Variants in CIITA observed in about 807,000 individuals in gnomAD.
The protein encoded by CIITA is MHC class II transactivator.
CIITA carries 72 observed loss-of-function variants against 115.1 expected under a neutral mutation model. That is an observed-to-expected ratio of 0.63 (90% confidence interval 0.52 to 0.76). The LOEUF (loss-of-function observed/expected upper bound fraction) is 0.76, where lower values mean the gene tolerates loss of function less well. Ranked by LOEUF, CIITA falls within the 30% of genes least tolerant of loss-of-function variation. The pLI is 0.00. For synonymous variants in CIITA, 763 were observed against 635.6 expected (o/e 1.20, Z -3.02); for missense variants, 1,617 against 1,463.8 (o/e 1.10, Z -1.71).
intron 14 of CIITA, 46 bp downstream of exon 14, chr16:10,915,696 G>C: frequency 5.2e-6 from 8 of 1,525,952 alleles, no homozygotes; most frequent in Non-Finnish European, 7.3e-6. Flanking sequence ...TCTGGGTGCA[G>C]TGCTGTGATC....
rs909112215 is a variant in CIITA at position 10,897,187 on chromosome 16, T to C, written c.295+1423T>C. Among the ~76,000 whole-genome samples, 6 of 152,232 alleles carry C rather than the reference T, an allele frequency of 3.9e-5. No homozygotes were observed. In the South Asian group the frequency reaches 1.0e-3, roughly 26 times the overall value. ...AGAAAAAAAATATTTCTTACAGTTA[T>C]GGAGGCTGAGAAGTCCAAGGTTAGG... is the stretch of plus-strand genomic sequence containing the variant. On this transcript the variant is annotated intron_variant, in intron 3 of 19. Coordinates refer to ENST00000324288, the MANE Select transcript of CIITA (RefSeq NM_000246.4).
chr16:10,878,662 A>C (rs917374623), intron 1 of CIITA, among the ~76,000 whole-genome samples: 1 of 152,174 alleles, frequency 6.6e-6, no homozygotes, highest in Non-Finnish European at 1.5e-5. Flanking sequence ...GGGTGGGGAC[A>C]AGCTCCCTGC....
In CIITA at chr16:10,907,759, G is replaced by T. The variant is rs1248790122; in HGVS notation, c.2267G>T (p.Arg756Leu). The T allele has an allele frequency of 1.2e-6, 2 of 1,614,106 alleles. No individual in the cohort carries two copies. Among genetic ancestry groups the T allele is most frequent in the Non-Finnish European group, 1.7e-6 (2 of 1,180,042 alleles). Reference protein sequence around the residue: ...PYDNWLEGVPRFLAGLIFQPP... With the variant: ...PYDNWLEGVPLFLAGLIFQPP... The stretch of plus-strand genomic sequence containing the variant: ...GACAACTGGCTGGAGGGCGTGCCAC[G>T]CTTTCTGGCTGGGCTGATCTTCCAG... The change falls in exon 11 of 20, where the codon CGC becomes CTC. Residue 756 changes from arginine (R) to leucine (L), a missense_variant. Coordinates refer to ENST00000324288, the MANE Select transcript of CIITA (RefSeq NM_000246.4). This position sits in a 1 kb window ranked among gnomAD's most constrained non-coding sequence, Gnocchi z 5.0.
chr16:10,876,517 C>G (rs117955714), upstream of CIITA, among the ~76,000 whole-genome samples: 60 of 152,286 alleles, frequency 3.9e-4, 1 homozygote, highest in East Asian at 0.011. Flanking sequence ...AAGACATGTT[C>G]ACACCAAGCT....
In CIITA at chr16:10,904,785, G is replaced by A. The variant is rs148597952; in HGVS notation, c.979G>A (p.Val327Ile). 35 of 1,614,038 alleles carry A rather than the reference G, an allele frequency of 2.2e-5. No homozygotes were observed. Among genetic ancestry groups the A allele is most frequent in the Middle Eastern group, 3.3e-4 (2 of 6,084 alleles). The stretch of plus-strand genomic sequence containing the variant: ...CACCCAATGCCCGGCAGCTGGAGAG[G>A]TCTCCAACAAGCTTCCAAAATGGCC... ...SPTQCPAAGE[V>I]SNKLPKWPEP... The change falls in exon 10 of 20, where the codon GTC becomes ATC. Residue 327 changes from valine (V) to isoleucine (I), a missense_variant. By Grantham distance (29) the Val-to-Ile change is conservative. Transcript: ENST00000324288.
intron 15 of CIITA, among the ~76,000 whole-genome samples, chr16:10,918,225 G>A (rs1476760014): frequency 6.6e-6 from 1 of 152,242 alleles, no homozygotes; most frequent in Non-Finnish European, 1.5e-5. Flanking sequence ...CATGGGACAG[G>A]TGGGGGCAGG....
intron 15 of CIITA, chr16:10,916,717 C>A (rs2039972973): frequency 5.7e-6 from 3 of 524,808 alleles, no homozygotes; most frequent in Non-Finnish European, 1.0e-5. Context: ...TTCACTCATT[C>A]ACCTATTCAA....
upstream of CIITA, among the ~76,000 whole-genome samples, chr16:10,874,814 A>G (rs968538482): frequency 2.6e-5 from 4 of 152,150 alleles, no homozygotes; most frequent in Admixed American, 6.6e-5. Context: ...TGCCTTGGCC[A>G]TCGGTCTGAG....
rs572170388 is a variant in CIITA at position 10,877,374 on chromosome 16, A to G, written c.44A>G (p.Glu15Gly). ...APRPAGSYLS[E>G]PQGSSQCATM... ...CGCCCTGCTGGGTCCTACCTGTCAG[A>G]GCCCCAAGGTAAAAAGGCCGGGAAA... Residue 15 changes from glutamate (E) to glycine (G), a missense_variant, in exon 1 of 20, where the codon GAG becomes GGG. Physicochemically the swap from Glu to Gly is moderately conservative, Grantham distance 98. Transcript: ENST00000324288. 181 of 1,613,236 alleles carry G rather than the reference A, an allele frequency of 1.1e-4. No individual in the cohort carries two copies. The highest frequency in any genetic ancestry group is 4.3e-4 in the Admixed American group (26 of 59,914).
At chr16:10,903,304 T>A (rs2038915772) in intron 8 of CIITA, among the ~76,000 whole-genome samples, 2 of 152,134 alleles carry the variant, frequency 1.3e-5, no homozygotes, top group African/African-American at 4.8e-5. Context: ...TCAGGGAAGG[T>A]GTGTTTGGGC....
rs2039212606 is a variant in CIITA at position 10,907,016 on chromosome 16, T to C, written c.1524T>C (p.Asp508=). 2 of 1,609,338 alleles carry C rather than the reference T, an allele frequency of 1.2e-6. No homozygotes were observed. The highest frequency in any genetic ancestry group is 8.5e-7 in the Non-Finnish European group (1 of 1,179,848). The change falls in exon 11 of 20, where the codon GAT becomes GAC. Residue 508 remains aspartate (D), a synonymous_variant. Transcript: ENST00000324288. This position sits in a 1 kb window ranked among gnomAD's most constrained non-coding sequence, Gnocchi z 5.0. The stretch of plus-strand genomic sequence containing the variant: ...GCTTCGAGGAGCTGGAAGCGCAAGA[T>C]GGCTTCCTGCACAGCACGTGCGGAC... ...LDGFEELEAQ[D]GFLHSTCGPA... is the part of the protein sequence containing the mutation.
At chr16:10,898,763 C>T (rs764473583) in intron 4 of CIITA, 31 bp downstream of exon 4, 2 of 1,610,966 alleles carry the variant, frequency 1.2e-6, no homozygotes, top group Non-Finnish European at 1.7e-6. Context: ...GAGGTCTTGG[C>T]TCAGCCTGCA....
At chr16:10,895,848 G>T in intron 3 of CIITA, 84 bp downstream of exon 3, 1 of 1,309,372 alleles carries the variant, frequency 7.6e-7, no homozygotes, top group Non-Finnish European at 1.1e-6. Flanking sequence ...CATTCATCAT[G>T]AGCCACGTCA....
Position 10,928,183 on chromosome 16 carries a change from A to G in CIITA, c.*4328A>G, listed in dbSNP as rs1366356396. On this transcript the variant is annotated 3_prime_UTR_variant, in exon 20 of 20. Transcript: ENST00000324288. Reference sequence around the variant, plus strand: ...GTCTCCTCGCCTGTAGAAAGGGGTCAATCGTTTGAACCCTGCTTCACTTGG... The same window carrying G: ...GTCTCCTCGCCTGTAGAAAGGGGTCGATCGTTTGAACCCTGCTTCACTTGG... 1 of 152,228 alleles carries G rather than the reference A, an allele frequency of 6.6e-6. No individual in the cohort carries two copies. Among genetic ancestry groups the G allele is most frequent in the Non-Finnish European group, 1.5e-5 (1 of 68,062 alleles). 9.4% of individuals were successfully genotyped at this position (152,228 alleles called of 1,614,324 possible). A position where few individuals can be genotyped will look rare whatever the true frequency, so the allele number is the denominator to read the frequency against.
chr16:10,936,710 C>T (rs1393700193), downstream of CIITA: 1 of 152,196 alleles, frequency 6.6e-6, no homozygotes, highest in African/African-American at 2.4e-5. Context: ...GGATGGGGAG[C>T]CCTCACTGGA....
rs1316244575 is a variant in CIITA at position 10,941,958 on chromosome 16, C to T, written n.1084C>T. On this transcript the variant is annotated non_coding_transcript_exon_variant, in exon 2 of 2. Coordinates refer to the CIITA transcript ENST00000573379. This position sits in a 1 kb window ranked among gnomAD's most constrained non-coding sequence, Gnocchi z 6.4. ...GCAGCGGCGGCGGCACGTAGGGGACCAGGGGGCCCAGTGCGTCCAGGTGGG... is the reference window on the plus strand; with the variant it reads ...GCAGCGGCGGCGGCACGTAGGGGACTAGGGGGCCCAGTGCGTCCAGGTGGG... 43 of 1,566,322 alleles carry T rather than the reference C, an allele frequency of 2.7e-5. No homozygotes were observed. Among genetic ancestry groups the T allele is most frequent in the East Asian group, 7.1e-5 (3 of 42,310 alleles).
intron 11 of CIITA, 79 bp from the exon 12 acceptor site, chr16:10,908,950 G>A: frequency 1.2e-6 from 2 of 1,601,888 alleles, no homozygotes; most frequent in Non-Finnish European, 1.7e-6. Context: ...TAATAGGTAG[G>A]AGGACCCTTC....
rs1316501543 is a variant in CIITA at position 10,929,444 on chromosome 16, C to T, written c.*5589C>T. On this transcript the variant is annotated 3_prime_UTR_variant, in exon 20 of 20. Transcript: ENST00000324288. The surrounding 1 kb of genome is among the most constrained non-coding windows in gnomAD (Gnocchi z 4.3). ...TCTTGGGATGCCTCTTGCGTTCCCC[C>T]TTCTGTGGGAGCAGGTGCCTTCCCA... is the stretch of plus-strand genomic sequence containing the variant. 2 of 985,738 alleles carry T rather than the reference C, an allele frequency of 2.0e-6. No homozygotes were observed. The highest frequency in any genetic ancestry group is 6.1e-5 in the Admixed American group (1 of 16,272). 61.1% of individuals were successfully genotyped at this position (985,738 alleles called of 1,614,324 possible).
chr16:10,923,331 C>CA lies in CIITA; in HGVS notation c.*22+7dup. On this transcript the variant is annotated splice_region_variant and intron_variant, in intron 19 of 19. Coordinates refer to ENST00000324288, the MANE Select transcript of CIITA (RefSeq NM_000246.4). The surrounding 1 kb of genome is among the most constrained non-coding windows in gnomAD (Gnocchi z 5.2). ...CCAGCTGTGCTCTGGACAGGGTAAC[C>CA]AGGGTGGGCTTGGGAGGGGAGAGCC... is the stretch of plus-strand genomic sequence containing the variant. 1 of 1,583,712 alleles carries CA rather than the reference C, an allele frequency of 6.3e-7. No homozygotes were observed. The highest frequency in any genetic ancestry group is 8.7e-7 in the Non-Finnish European group (1 of 1,153,812).
Sources: allele counts gnomAD v4.1 joint callset (sites outside exome capture counted in the v4.1 genomes callset), GRCh38; gene constraint gnomAD v4.1.1; non-coding constraint Gnocchi (gnomAD v3.1); transcripts MANE v1.5; gene names NCBI Gene and HGNC (gene_info 2026-07-23, HGNC 2026-07-21).